MFSD11: variants seen among roughly 807,000 people sequenced by gnomAD.
MFSD11 encodes the protein major facilitator superfamily domain containing 11.
MFSD11 carries 36 observed loss-of-function variants against 53.5 expected under a neutral mutation model. That is an observed-to-expected ratio of 0.67 (90% CI 0.52 to 0.89). The LOEUF (loss-of-function observed/expected upper bound fraction) is 0.89, where lower values mean the gene tolerates loss of function less well. Among genes scored for constraint, MFSD11 ranks in the 40% least tolerant of loss-of-function variants. The pLI is 0.00. For missense variants in MFSD11, 530 were observed against 543.9 expected (o/e 0.97, Z 0.25); for synonymous variants, 186 against 184.9 (o/e 1.01, Z -0.05).
At chr17:76,747,261 C>A (rs1178465897) in intron 7 of MFSD11, among the ~76,000 whole-genome samples, 2 of 151,606 alleles carry the variant, frequency 1.3e-5, no homozygotes, top group African/African-American at 4.8e-5. Flanking sequence ...CGCCTGTAAT[C>A]CCAGCACTTT....
At position 76,778,609 on chromosome 17, in the gene MFSD11, A is replaced by C; in HGVS notation, c.*257A>C. ...TGTTGTTTTTCATTTCATCTATCTC[A>C]ATTCTTATAATCATGTTATAGAATG... On this transcript the variant is annotated 3_prime_UTR_variant, in exon 13 of 13. Coordinates refer to ENST00000685175, the MANE Select transcript of MFSD11 (RefSeq NM_001242532.5). 9.8e-6 allele frequency: 4 copies of C among 407,362 alleles called. No homozygotes were observed. The highest frequency in any genetic ancestry group is 1.3e-5 in the Non-Finnish European group (3 of 228,120). The allele number at this position is 407,362 out of a possible 1,614,324, so 25.2% of individuals were successfully genotyped here. A position where few individuals can be genotyped will look rare whatever the true frequency, so the allele number is the denominator to read the frequency against.
chr17:76,779,740 C>T (rs1048054781), downstream of MFSD11, among the ~76,000 whole-genome samples: 5 of 152,294 alleles, frequency 3.3e-5, no homozygotes, highest in African/African-American at 4.8e-5. Context: ...CTGCCTCGGC[C>T]TCCCAAAGTG....
chr17:76,792,282 C>T, the MFSD11 span, among the ~76,000 whole-genome samples: 3 of 151,026 alleles, frequency 2.0e-5, no homozygotes, highest in Non-Finnish European at 4.4e-5. Context: ...CCACATCCAG[C>T]TAATTTTTGT....
chr17:76,770,710 A>G (rs908586019), intron 10 of MFSD11, among the ~76,000 whole-genome samples: 3 of 152,152 alleles, frequency 2.0e-5, no homozygotes, highest in Non-Finnish European at 4.4e-5. Flanking sequence ...CAACTCACAG[A>G]ACTCAGGAAA....
chr17:76,768,783 G>A (rs1252301409), intron 9 of MFSD11, among the ~76,000 whole-genome samples: 1 of 151,840 alleles, frequency 6.6e-6, no homozygotes, highest in African/African-American at 2.4e-5. Flanking sequence ...TCAGGAGTTC[G>A]AGACCAGCCT....
At chr17:76,798,364 G>A in the MFSD11 span, among the ~76,000 whole-genome samples, 7 of 152,112 alleles carry the variant, frequency 4.6e-5, no homozygotes, top group African/African-American at 1.7e-4. Context: ...AGCTCATCAC[G>A]TCTCCAGATT....
intron 3 of MFSD11, 165 bp from the exon 4 acceptor site, chr17:76,741,788 AAAAAAATTAATTAATT>A: frequency 1.9e-6 from 1 of 534,570 alleles, no homozygotes; most frequent in Non-Finnish European, 2.4e-6. Flanking sequence ...ACCCTGTCTC[AAAAAAATTAATTAATT>A]AAGAAATGAG....
intron 5 of MFSD11, among the ~76,000 whole-genome samples, chr17:76,742,739 T>A (rs1568046079): frequency 6.6e-6 from 1 of 152,066 alleles, no homozygotes; most frequent in African/African-American, 2.4e-5. Flanking sequence ...CTCCTGACCT[T>A]GTGATCCGCC....
rs539609082 is a variant in MFSD11, at chr17:76,741,083, C to T, written c.260+19C>T. ...TTTACAGGTAAGTAGTGTAATCTTG[C>T]ACTTATTTAATCAGAACACTTGTCA... On this transcript the variant is annotated intron_variant, in intron 3 of 12. Coordinates refer to ENST00000685175, the MANE Select transcript of MFSD11 (RefSeq NM_001242532.5). 3.3e-5 allele frequency: 45 copies of T among 1,377,074 alleles called. No individual in the cohort carries two copies. Among genetic ancestry groups the T allele is most frequent in the Non-Finnish European group, 4.1e-5 (40 of 965,358 alleles). The allele number at this position is 1,377,074 out of a possible 1,614,324, so 85.3% of individuals were successfully genotyped here. A position where few individuals can be genotyped will look rare whatever the true frequency, so the allele number is the denominator to read the frequency against.
intron 7 of MFSD11, chr17:76,748,088 G>A (rs545042835): frequency 6.7e-6 from 1 of 150,374 alleles, no homozygotes; most frequent in Non-Finnish European, 1.5e-5. Context: ...CTGTGAAAGA[G>A]GGGGAGAGTG....
At chr17:76,758,464 C>T (rs936117234) in intron 8 of MFSD11, among the ~76,000 whole-genome samples, 6 of 151,402 alleles carry the variant, frequency 4.0e-5, no homozygotes, top group African/African-American at 1.5e-4. Context: ...GCACTTGCAG[C>T]CCCAGCTACT....
downstream of MFSD11, among the ~76,000 whole-genome samples, chr17:76,785,721 T>C (rs2082266267): frequency 2.0e-5 from 3 of 152,106 alleles, no homozygotes; most frequent in African/African-American, 7.2e-5. Context: ...AGCATTATAA[T>C]GTATTTAATA....
At chr17:76,798,371 G>A in the MFSD11 span, among the ~76,000 whole-genome samples, 2 of 152,106 alleles carry the variant, frequency 1.3e-5, no homozygotes, top group Non-Finnish European at 2.9e-5. Flanking sequence ...CACGTCTCCA[G>A]ATTTGAGAGA....
chr17:76,742,548 G>C (rs1046516315), intron 5 of MFSD11, among the ~76,000 whole-genome samples: 2 of 151,684 alleles, frequency 1.3e-5, no homozygotes, highest in African/African-American at 4.9e-5. Context: ...TGTCACCTGG[G>C]CTGGAGTGCA....
At chr17:76,780,921 T>TA (rs2082150242), downstream of MFSD11, 4 of 152,360 alleles carry the variant, frequency 2.6e-5, no homozygotes, top group South Asian at 8.3e-4. Context: ...GACTTAACAG[T>TA]AGTGATTTAT....
intron 2 of MFSD11, 108 bp downstream of exon 2, chr17:76,739,101 T>G (rs2077791812): frequency 1.2e-6 from 1 of 860,606 alleles, no homozygotes; most frequent in Non-Finnish European, 1.9e-6. Flanking sequence ...GTGATGGCAT[T>G]TTCTCTTCTC....
the MFSD11 span, among the ~76,000 whole-genome samples, chr17:76,792,044 G>A: frequency 6.1e-5 from 9 of 148,476 alleles, no homozygotes; most frequent in East Asian, 1.6e-3. Flanking sequence ...TGCCCTCCAC[G>A]GCCTGACCTT....
intron 12 of MFSD11, among the ~76,000 whole-genome samples, chr17:76,777,530 G>A (rs147620797): frequency 1.8e-4 from 28 of 152,196 alleles, no homozygotes; most frequent in East Asian, 7.7e-4. Flanking sequence ...CCACCGCCCC[G>A]GCTATATTGT....
intron 7 of MFSD11, among the ~76,000 whole-genome samples, chr17:76,750,007 T>C (rs1251327965): frequency 6.6e-6 from 1 of 151,900 alleles, no homozygotes; most frequent in Admixed American, 6.6e-5. Flanking sequence ...AGTCAGGGCC[T>C]GAAAGAGGTG....
Sources: allele counts gnomAD v4.1 joint callset (sites outside exome capture counted in the v4.1 genomes callset), GRCh38; gene constraint gnomAD v4.1.1; transcripts MANE v1.5; gene names NCBI Gene and HGNC (gene_info 2026-07-23, HGNC 2026-07-21).